KDM2B: variants seen among roughly 807,000 people sequenced by gnomAD.
KDM2B encodes lysine demethylase 2B.
Under a neutral mutation model 150.0 loss-of-function variants are expected in KDM2B, and 26 were observed. That is an observed-to-expected ratio of 0.17 (90% CI 0.13 to 0.24). The LOEUF (loss-of-function observed/expected upper bound fraction) is 0.24. KDM2B is among the 10% of genes least tolerant of loss of function. The pLI is 1.00. For synonymous variants in KDM2B, 734 were observed against 729.5 expected (o/e 1.01, Z -0.10); for missense variants, 1,265 against 1,816.9 (o/e 0.70, Z 5.52).
chr12:121,418,938 C>T, the KDM2B span, among the ~76,000 whole-genome samples: 1 of 152,138 alleles, frequency 6.6e-6, no homozygotes, highest in Non-Finnish European at 1.5e-5. Flanking sequence ...AATACCTGAC[C>T]TCAGGTTATC....
intron 6 of KDM2B, among the ~76,000 whole-genome samples, chr12:121,543,127 G>A (rs1293830958): frequency 2.0e-5 from 3 of 152,150 alleles, no homozygotes; most frequent in Non-Finnish European, 4.4e-5. Flanking sequence ...GGCTGAGGCG[G>A]GTAGATCACT....
chr12:121,417,291 C>G, the KDM2B span, among the ~76,000 whole-genome samples: 1 of 152,100 alleles, frequency 6.6e-6, no homozygotes, highest in Non-Finnish European at 1.5e-5. The surrounding 1 kb of genome is among the most constrained non-coding windows in gnomAD (Gnocchi z 5.0). Context: ...TCTTAAAGTC[C>G]TATATTAGAA....
intron 13 of KDM2B, among the ~76,000 whole-genome samples, chr12:121,445,824 G>A (rs1229237347): frequency 7.9e-5 from 12 of 152,164 alleles, no homozygotes; most frequent in African/African-American, 2.7e-4. Context: ...AGCCCCAAAG[G>A]AGCAGGGGCG....
At chr12:121,503,698 G>C (rs1206477255) in intron 11 of KDM2B, among the ~76,000 whole-genome samples, 4 of 152,356 alleles carry the variant, frequency 2.6e-5, no homozygotes, top group African/African-American at 9.6e-5. Context: ...CAGGGGAAGT[G>C]TGGGTAGCTG....
chr12:121,560,422 C>T (rs948606089), intron 4 of KDM2B, among the ~76,000 whole-genome samples: 1 of 152,142 alleles, frequency 6.6e-6, no homozygotes, highest in Non-Finnish European at 1.5e-5. Context: ...GCTTTGATGA[C>T]AGCCAAATAC....
intron 19 of KDM2B, among the ~76,000 whole-genome samples, 172 bp downstream of exon 19, chr12:121,441,985 C>A (rs1032040579): frequency 1.3e-5 from 2 of 152,242 alleles, no homozygotes; most frequent in Admixed American, 1.3e-4. Context: ...GGGGTCACCT[C>A]CTCTGACAAG....
At chr12:121,478,305 A>G (rs1881619072) in intron 12 of KDM2B, among the ~76,000 whole-genome samples, 1 of 151,096 alleles carries the variant, frequency 6.6e-6, no homozygotes, top group Admixed American at 6.6e-5. Context: ...AATACCCAAT[A>G]GGTAATGTTT....
In KDM2B at chr12:121,546,365, T is replaced by C. The variant is rs1889038271; in HGVS notation, c.683+2512A>G. Among the ~76,000 whole-genome samples, 10 of 148,448 alleles carry C rather than the reference T, an allele frequency of 6.7e-5. No homozygotes were observed. In the South Asian group the frequency reaches 2.1e-3, roughly 31 times the overall value. On this transcript the variant is annotated intron_variant, in intron 6 of 22. Transcript: ENST00000377071. The stretch of plus-strand genomic sequence containing the variant: ...TTTCACTTCTCTCCCATCTCCTCTG[T>C]CTTTTTTTTTTGCCTTTTTTTTTTT...
chr12:121,554,033 C>CCACA (rs56659514), intron 4 of KDM2B, among the ~76,000 whole-genome samples: 16,746 of 121,960 alleles, frequency 0.14, 1,303 homozygotes, highest in East Asian at 0.18. Context: ...CACCCCAGCT[C>CCACA]CACACACACA....
chr12:121,467,076 G>A lies in KDM2B; in HGVS notation c.1735-13732C>T. ...TCCTCATCGCGGCGGCGGCGGCGTC[G>A]CGGCCGCCCTCGGCGCGTCAGACAG... On this transcript the variant is annotated intron_variant, in intron 12 of 22. Transcript: ENST00000377071. This position sits in a 1 kb window ranked among gnomAD's most constrained non-coding sequence, Gnocchi z 5.1. 2 of 820,840 alleles carry A rather than the reference G, an allele frequency of 2.4e-6. No individual in the cohort carries two copies. The highest frequency in any genetic ancestry group is 3.1e-6 in the Non-Finnish European group (2 of 655,614). The allele number at this position is 820,840 out of a possible 1,614,324, so 50.8% of individuals were successfully genotyped here. A position where few individuals can be genotyped will look rare whatever the true frequency, so the allele number is the denominator to read the frequency against.
chr12:121,422,180 C>G, the KDM2B span, among the ~76,000 whole-genome samples: 1 of 152,206 alleles, frequency 6.6e-6, no homozygotes, highest in Non-Finnish European at 1.5e-5. Flanking sequence ...GTTATTATGA[C>G]AGCATGGTTT....
intron 22 of KDM2B, among the ~76,000 whole-genome samples, chr12:121,439,058 A>G (rs1324687252): frequency 6.6e-6 from 1 of 152,196 alleles, no homozygotes; most frequent in Admixed American, 6.5e-5. Context: ...ATCCTGCACC[A>G]CAGCGACAGA....
rs567095582 is a variant in KDM2B, at chr12:121,525,665, C to T, written c.932-4565G>A. Among the ~76,000 whole-genome samples, 8 of 152,250 alleles carry T rather than the reference C, an allele frequency of 5.3e-5. No individual in the cohort carries two copies. In the East Asian group the frequency reaches 1.2e-3, roughly 22 times the overall value. ...TGAGCAGGTACTGCCCAGTTTCCCA[C>T]GGCCCCAACCCATCCAGTCCCCTTC... On this transcript the variant is annotated intron_variant, in intron 8 of 22. Transcript: ENST00000377071.
chr12:121,546,265 T>C (rs1179006134), intron 6 of KDM2B, among the ~76,000 whole-genome samples: 1 of 151,588 alleles, frequency 6.6e-6, no homozygotes, highest in Non-Finnish European at 1.5e-5. Flanking sequence ...TGAACCATCA[T>C]CTCAATCAAT....
intron 4 of KDM2B, among the ~76,000 whole-genome samples, chr12:121,567,303 C>A (rs1209531424): frequency 7.2e-5 from 11 of 152,202 alleles, no homozygotes; most frequent in Admixed American, 7.2e-4. Flanking sequence ...GTCCTCACCC[C>A]CAGCACCTCA....
chr12:121,524,566 C>T (rs372022591), intron 8 of KDM2B: 17 of 214,066 alleles, frequency 7.9e-5, no homozygotes, highest in South Asian at 5.5e-4. Context: ...CTGGATTAGC[C>T]GCCACTGCGT....
chr12:121,438,601 C>T (rs1874405001), intron 22 of KDM2B, among the ~76,000 whole-genome samples: 1 of 152,124 alleles, frequency 6.6e-6, no homozygotes, highest in South Asian at 2.1e-4. Flanking sequence ...GTGGAACAAT[C>T]CCTGCCACCA....
In KDM2B at chr12:121,509,736, G is replaced by C. The variant is rs782646004; in HGVS notation, c.1478C>G (p.Thr493Ser). 1.5e-5 allele frequency: 25 copies of C among 1,614,046 alleles called. No individual in the cohort carries two copies. The highest frequency in any genetic ancestry group is 2.0e-5 in the Non-Finnish European group (24 of 1,180,058). ...STTLAVDYPK[T>S]PTGSPATEVS... is the part of the protein sequence containing the mutation. ...CTCCGTGGCGGGAGAGCCGGTGGGG[G>C]TCTTGGGGTAGTCTACGGCCAATGT... The change falls in exon 11 of 23, where the codon ACC becomes AGC. Residue 493 changes from threonine to serine, a missense_variant. Physicochemically the swap from Thr to Ser is moderately conservative, Grantham distance 58. This residue lies in a region of KDM2B where 154 missense variants were observed against 162.5 expected (regional missense o/e 0.95). Transcript: ENST00000377071.
intron 4 of KDM2B, among the ~76,000 whole-genome samples, chr12:121,570,524 G>A (rs1441084894): frequency 6.6e-6 from 1 of 152,068 alleles, no homozygotes; most frequent in Non-Finnish European, 1.5e-5. Context: ...AATTATTCTG[G>A]CTGGATCATC....
Sources: gnomAD v4.1 joint callset for allele counts (sites outside exome capture counted in the v4.1 genomes callset) on GRCh38, gnomAD v4.1.1 for gene constraint, gnomAD v4.1.1 regional missense constraint, Gnocchi (gnomAD v3.1) non-coding constraint, MANE v1.5 for transcripts, NCBI Gene and HGNC (gene_info 2026-07-23, HGNC 2026-07-21) for gene names.